The following EFCAB6 variants were observed in gnomAD, a reference collection of about 807,000 sequenced individuals.
The protein encoded by EFCAB6 is EF-hand calcium-binding domain-containing protein 6.
In EFCAB6, 156 loss-of-function variants were observed where a neutral mutation model predicts 169.8. The observed-to-expected ratio is 0.92, with a 90% confidence interval of 0.81 to 1.05. The LOEUF (loss-of-function observed/expected upper bound fraction) is 1.05. Ranked by LOEUF, EFCAB6 falls within the 50% of genes least tolerant of loss-of-function variation. The pLI, the probability that EFCAB6 is intolerant of heterozygous loss-of-function variation, is 0.00. For synonymous variants in EFCAB6, 698 were observed against 676.4 expected, an observed-to-expected ratio of 1.03 and a Z score of -0.50; for missense variants, 1,800 against 1,829.1, an observed-to-expected ratio of 0.98 and a Z score of 0.29.
intron 11 of EFCAB6, among the ~76,000 whole-genome samples, chr22:43,684,738 A>C (rs1176019298): frequency 6.6e-6 from 1 of 152,114 alleles, no homozygotes; most frequent in Non-Finnish European, 1.5e-5. Flanking sequence ...TCCTCACATG[A>C]CTTGTTAGAA....
chr22:43,546,728 C>A (rs2048078212), intron 27 of EFCAB6, among the ~76,000 whole-genome samples: 1 of 151,910 alleles, frequency 6.6e-6, no homozygotes, highest in East Asian at 1.9e-4. Context: ...AAAAAATTAG[C>A]CAGGTGTGGT....
In EFCAB6 at chr22:43,700,251, T is replaced by G. The variant is rs2058720106; in HGVS notation, c.1031+11224A>C. ...TTTTTATGTCTTATTACCAAGCTGT[T>G]AGGGTTTAAAATTTAAGCCCTAGAT... On this transcript the variant is annotated intron_variant, in intron 10 of 31. Transcript: ENST00000262726. 2.0e-5 allele frequency among the ~76,000 whole-genome samples: 3 copies of G among 152,180 alleles called. No homozygotes were observed. The South Asian group carries it at 6.2e-4, about 32-fold the overall frequency.
At chr22:43,564,544 T>C (rs1387196236) in intron 26 of EFCAB6, among the ~76,000 whole-genome samples, 2 of 151,856 alleles carry the variant, frequency 1.3e-5, no homozygotes, top group African/African-American at 4.8e-5. Flanking sequence ...CTCACCTGTG[T>C]GGCGGGGAAA....
At chr22:43,739,352 G>T (rs1375595270) in intron 6 of EFCAB6, among the ~76,000 whole-genome samples, 1 of 152,024 alleles carries the variant, frequency 6.6e-6, no homozygotes, top group African/African-American at 2.4e-5. Context: ...TTCTTCTCCA[G>T]CCTCCTTGGA....
chr22:43,751,852 T>C (rs568060597), intron 6 of EFCAB6, among the ~76,000 whole-genome samples: 5 of 152,270 alleles, frequency 3.3e-5, no homozygotes, highest in Non-Finnish European at 5.9e-5. Context: ...CTTCCTTCCA[T>C]ATCAATATGG....
chr22:43,618,096 C>T (rs1006198502), intron 20 of EFCAB6, among the ~76,000 whole-genome samples: 1 of 126,294 alleles, frequency 7.9e-6, no homozygotes, highest in African/African-American at 3.0e-5. Context: ...AGTGAGACTC[C>T]ATCTCAAAAA....
At chr22:43,605,235 GC>G (rs2052825924) in intron 22 of EFCAB6, among the ~76,000 whole-genome samples, 1 of 152,190 alleles carries the variant, frequency 6.6e-6, no homozygotes, top group Non-Finnish European at 1.5e-5. Flanking sequence ...CTGGGTGTAG[GC>G]CAAGCTAACT....
intron 1 of EFCAB6, among the ~76,000 whole-genome samples, chr22:43,811,585 G>T (rs1757190958): frequency 6.6e-6 from 1 of 152,112 alleles, no homozygotes; most frequent in South Asian, 2.1e-4. Context: ...GGAGGCAGGG[G>T]TAATTATGTG....
chr22:43,666,791 T>C (rs770082507), intron 17 of EFCAB6, among the ~76,000 whole-genome samples: 1 of 148,008 alleles, frequency 6.8e-6, no homozygotes, highest in Non-Finnish European at 1.5e-5. Flanking sequence ...GGCTTTGTAC[T>C]CTCACCCGCA....
At chr22:43,734,750 A>G (rs1349984784) in intron 7 of EFCAB6, among the ~76,000 whole-genome samples, 2 of 152,224 alleles carry the variant, frequency 1.3e-5, no homozygotes, top group African/African-American at 2.4e-5. Flanking sequence ...AAAAAAGAAA[A>G]ACATACTCAA....
chr22:43,567,807 CGAG>C (rs2049544341), intron 26 of EFCAB6, among the ~76,000 whole-genome samples: 1 of 152,126 alleles, frequency 6.6e-6, no homozygotes, highest in Non-Finnish European at 1.5e-5. Flanking sequence ...CATCACCATG[CGAG>C]GCAGCCACAG....
intron 10 of EFCAB6, among the ~76,000 whole-genome samples, chr22:43,709,837 C>T (rs934076946): frequency 6.6e-6 from 1 of 152,166 alleles, no homozygotes; most frequent in Admixed American, 6.5e-5. Context: ...GCCATGGAAA[C>T]ATTTACTCCT....
intron 17 of EFCAB6, among the ~76,000 whole-genome samples, chr22:43,662,263 A>C (rs2057042969): frequency 6.6e-6 from 1 of 152,002 alleles, no homozygotes; most frequent in Non-Finnish European, 1.5e-5. Context: ...CAGTGATCTC[A>C]GCAGCAACAA....
chr22:43,720,259 T>C (rs891064255), intron 8 of EFCAB6, among the ~76,000 whole-genome samples: 1 of 151,776 alleles, frequency 6.6e-6, no homozygotes, highest in Admixed American at 6.6e-5. Flanking sequence ...GGCTTACACA[T>C]GTAATCCCAG....
chr22:43,729,050 T>C (rs9614270), intron 8 of EFCAB6, among the ~76,000 whole-genome samples: 42,112 of 152,032 alleles, frequency 0.28, 6,964 homozygotes, highest in East Asian at 0.63. Flanking sequence ...TGGTGGAAGG[T>C]GAACAGGGAG....
At chr22:43,633,277 C>T (rs1301993832) in intron 18 of EFCAB6, among the ~76,000 whole-genome samples, 2 of 152,152 alleles carry the variant, frequency 1.3e-5, no homozygotes, top group East Asian at 1.9e-4. Flanking sequence ...CGGCCAGGCA[C>T]GTTGGCTCAC....
intron 22 of EFCAB6, among the ~76,000 whole-genome samples, chr22:43,603,463 A>G (rs950625982): frequency 6.6e-6 from 1 of 152,232 alleles, no homozygotes. Context: ...GTGGATGGTG[A>G]CGGCCACTAA....
chr22:43,582,153 C>T (rs1217834847), intron 24 of EFCAB6, among the ~76,000 whole-genome samples: 1 of 152,146 alleles, frequency 6.6e-6, no homozygotes, highest in African/African-American at 2.4e-5. Flanking sequence ...TCAAGCCTAA[C>T]TATGTTTTAA....
intron 30 of EFCAB6, among the ~76,000 whole-genome samples, chr22:43,534,081 T>C (rs544542300): frequency 2.0e-5 from 3 of 152,330 alleles, no homozygotes; most frequent in African/African-American, 7.2e-5. Context: ...GGCAAAACTC[T>C]GTGCTATGGT....
Sources: gnomAD v4.1 joint callset for allele counts (sites outside exome capture counted in the v4.1 genomes callset) on GRCh38, gnomAD v4.1.1 for gene constraint, MANE v1.5 for transcripts, NCBI Gene and HGNC (gene_info 2026-07-23, HGNC 2026-07-21) for gene names.